The following SERGEF variants were observed in gnomAD, a reference collection of about 807,000 sequenced individuals.
SERGEF encodes the protein secretion regulating guanine nucleotide exchange factor, also known as secretion-regulating guanine nucleotide exchange factor.
Under a neutral mutation model 50.0 loss-of-function variants are expected in SERGEF, and 51 were observed. The ratio of observed to expected loss-of-function variants is 1.02; its 90% CI spans 0.81 to 1.29. SERGEF has a LOEUF of 1.29. Ranked by LOEUF, SERGEF falls within the 50% of genes most tolerant of loss-of-function variation. The pLI, the probability that SERGEF is intolerant of heterozygous loss-of-function variation, is 0.00. For synonymous variants in SERGEF, 205 were observed against 212.4 expected (o/e 0.97, Z 0.30); for missense variants, 521 against 557.0 (o/e 0.94, Z 0.65).
intron 10 of SERGEF, among the ~76,000 whole-genome samples, chr11:17,824,308 A>T (rs918399825): frequency 6.6e-6 from 1 of 152,138 alleles, no homozygotes; most frequent in Non-Finnish European, 1.5e-5. Flanking sequence ...CTCAAAAAAA[A>T]AAAAAAGGCC....
At chr11:17,995,758 A>G (rs1189594480) in intron 6 of SERGEF, 38 bp downstream of exon 6, 1 of 1,400,404 alleles carries the variant, frequency 7.1e-7, no homozygotes, top group Admixed American at 1.8e-5. Context: ...ACTTCCTGAC[A>G]AAGAACAAAT....
chr11:17,895,773 A>G (rs57715685), intron 9 of SERGEF, among the ~76,000 whole-genome samples: 34,150 of 152,146 alleles, frequency 0.22, 4,073 homozygotes, highest in African/African-American at 0.3. Flanking sequence ...AACACGTGGT[A>G]TATTCCCTTT....
At chr11:17,918,813 A>C in intron 9 of SERGEF, 1 of 400,370 alleles carries the variant, frequency 2.5e-6, no homozygotes, top group Non-Finnish European at 4.9e-6. Context: ...TTAGGCAAAA[A>C]GCACTCCTGG....
At chr11:17,928,371 CAG>C in intron 9 of SERGEF, among the ~76,000 whole-genome samples, 1 of 152,212 alleles carries the variant, frequency 6.6e-6, no homozygotes, top group Non-Finnish European at 1.5e-5. Context: ...CACAGACCCA[CAG>C]AGTCAGTCCA....
chr11:17,852,705 G>A (rs776798433), intron 10 of SERGEF, among the ~76,000 whole-genome samples: 1 of 152,196 alleles, frequency 6.6e-6, no homozygotes, highest in Non-Finnish European at 1.5e-5. Context: ...ATGCAACAGG[G>A]TAACTCTCAG....
chr11:18,002,629 C>T (rs1853988428), intron 4 of SERGEF, among the ~76,000 whole-genome samples: 1 of 152,180 alleles, frequency 6.6e-6, no homozygotes, highest in South Asian at 2.1e-4. Flanking sequence ...CCACCTTCCC[C>T]CAGATGCTCA....
At chr11:17,867,794 G>T (rs1281356030) in intron 10 of SERGEF, among the ~76,000 whole-genome samples, 1 of 152,106 alleles carries the variant, frequency 6.6e-6, no homozygotes, top group Non-Finnish European at 1.5e-5. Context: ...CTTGACTTTG[G>T]TGCACTCGCA....
intron 10 of SERGEF, chr11:17,874,079 G>A (rs1170356957): frequency 6.6e-6 from 1 of 152,244 alleles, no homozygotes; most frequent in Non-Finnish European, 1.5e-5. Context: ...GCCCACAAAT[G>A]GGAGTTAGCC....
intron 10 of SERGEF, chr11:17,866,984 T>C (rs1484963395): frequency 1.3e-5 from 2 of 152,190 alleles, no homozygotes; most frequent in African/African-American, 2.4e-5. Flanking sequence ...GTGATTCCAT[T>C]ACCTCCCACT....
At chr11:17,970,104 T>G (rs2133980148) in intron 8 of SERGEF, among the ~76,000 whole-genome samples, 1 of 152,362 alleles carries the variant, frequency 6.6e-6, no homozygotes. Context: ...TTTATTGCAC[T>G]TCACAGATAA....
Position 17,919,152 on chromosome 11 carries a change from T to A in SERGEF, c.1011+40318A>T, listed in dbSNP as rs139517356. On this transcript the variant is annotated intron_variant, in intron 9 of 10. Transcript: ENST00000265965. Reference sequence around the variant, plus strand: ...ATTATTTCAAGTCTGCTTCCTCCATTAGACTGAATTCAAATGACTTTGAGC... The same window carrying A: ...ATTATTTCAAGTCTGCTTCCTCCATAAGACTGAATTCAAATGACTTTGAGC... Among the ~76,000 whole-genome samples, 1,003 of 152,318 alleles carry A rather than the reference T, an allele frequency of 6.6e-3. 6 individuals are homozygous for A. The highest frequency in any genetic ancestry group is 0.017 in the South Asian group (80 of 4,820).
intron 5 of SERGEF, among the ~76,000 whole-genome samples, chr11:17,997,284 T>C (rs1220032881): frequency 6.6e-6 from 1 of 152,140 alleles, no homozygotes; most frequent in Non-Finnish European, 1.5e-5. Flanking sequence ...AGTAAAAACA[T>C]GAAAAGATGC....
chr11:17,996,952 T>C (rs1273531191), intron 5 of SERGEF, among the ~76,000 whole-genome samples: 1 of 152,142 alleles, frequency 6.6e-6, no homozygotes, highest in African/African-American at 2.4e-5. Context: ...AAAGATGTAA[T>C]CCCAGCATTT....
At chr11:18,002,650 C>T (rs903867484) in intron 4 of SERGEF, among the ~76,000 whole-genome samples, 11 of 152,132 alleles carry the variant, frequency 7.2e-5, no homozygotes, top group Admixed American at 7.2e-4. Context: ...AAACTCCCTC[C>T]TTTGGGGATA....
At chr11:17,923,000 TG>T (rs772529374) in intron 9 of SERGEF, among the ~76,000 whole-genome samples, 4 of 152,234 alleles carry the variant, frequency 2.6e-5, no homozygotes, top group Non-Finnish European at 5.9e-5. Flanking sequence ...GAAAGAAATC[TG>T]GGTAATGACC....
At chr11:17,994,349 G>A (rs553806377) in intron 6 of SERGEF, among the ~76,000 whole-genome samples, 16 of 151,832 alleles carry the variant, frequency 1.1e-4, no homozygotes, top group African/African-American at 1.5e-4. Context: ...GGTGGCAGGC[G>A]CCAGTAGTCC....
At chr11:17,820,400 C>G (rs537833907) in intron 10 of SERGEF, among the ~76,000 whole-genome samples, 1 of 152,242 alleles carries the variant, frequency 6.6e-6, no homozygotes, top group African/African-American at 2.4e-5. Flanking sequence ...GTGTATTAAG[C>G]CAAAGGACAG....
chr11:17,973,000 CA>C (rs56851705), intron 8 of SERGEF, among the ~76,000 whole-genome samples: 60 of 138,976 alleles, frequency 4.3e-4, no homozygotes, highest in Admixed American at 6.5e-4. Flanking sequence ...TGTGAAGTTA[CA>C]AAAAAAAAAA....
intron 10 of SERGEF, among the ~76,000 whole-genome samples, chr11:17,790,370 C>T (rs555856365): frequency 1.3e-5 from 2 of 151,448 alleles, no homozygotes; most frequent in Non-Finnish European, 2.9e-5. Context: ...GCTCTTTACA[C>T]TCATCATTGT....
Sources: allele counts gnomAD v4.1 joint callset (sites outside exome capture counted in the v4.1 genomes callset), GRCh38; gene constraint gnomAD v4.1.1; transcripts MANE v1.5; gene names NCBI Gene and HGNC (gene_info 2026-07-23, HGNC 2026-07-21).